Variants in DNAH7 observed in about 807,000 individuals in gnomAD.
DNAH7 encodes the protein axonemal beta dynein heavy chain 7.
A neutral mutation model predicts 444.6 loss-of-function variants in DNAH7; 397 were observed. That is an observed-to-expected ratio of 0.89 (90% CI 0.82 to 0.97). The LOEUF (loss-of-function observed/expected upper bound fraction) is 0.97, where lower values mean the gene tolerates loss of function less well. Among genes scored for constraint, DNAH7 ranks in the 50% least tolerant of loss-of-function variants. DNAH7 has a pLI of 0.00. For synonymous variants in DNAH7, 1,636 were observed against 1,624.4 expected (o/e 1.01, Z -0.17); for missense variants, 4,902 against 4,800.8 (o/e 1.02, Z -0.62).
intron 47 of DNAH7, among the ~76,000 whole-genome samples, chr2:195,838,648 G>A (rs973260384): frequency 6.6e-6 from 1 of 151,952 alleles, no homozygotes; most frequent in Non-Finnish European, 1.5e-5. Context: ...GACACTATCA[G>A]ATTGGATAAA....
Position 195,884,813 on chromosome 2 carries a change from C to T in DNAH7, c.5539-4G>A. 6.2e-7 allele frequency: 1 copy of T among 1,606,910 alleles called. No individual in the cohort carries two copies. On this transcript the variant is annotated splice_region_variant and splice_polypyrimidine_tract_variant and intron_variant, in intron 34 of 64. Coordinates refer to ENST00000312428, the MANE Select transcript of DNAH7 (RefSeq NM_018897.3). ...TCAATGAAAACAGAAAAATGCCCTG[C>T]ATTGGACAGATGAGAAGATTAAGAA...
In DNAH7 at chr2:195,857,579, G is replaced by A; in HGVS notation, c.8212C>T (p.Pro2738Ser). 4 of 1,613,828 alleles carry A rather than the reference G, an allele frequency of 2.5e-6. No homozygotes were observed. Among genetic ancestry groups the A allele is most frequent in the East Asian group, 2.2e-5 (1 of 44,874 alleles). The part of the protein sequence containing the change: ...SGKKIEDFWG[P>S]AKRLLGDMRF... The stretch of plus-strand genomic sequence containing the variant: ...ATGTCACCAAGAAGTCTCTTAGCTG[G>A]GCCCCAGAAATCCTCAATTTTTTTC... The change falls in exon 44 of 65, where the codon CCA becomes TCA. Residue 2738 changes from proline (P) to serine (S), a missense_variant. Transcript: ENST00000312428.
chr2:195,931,191 T>A (rs1688669493), intron 21 of DNAH7, among the ~76,000 whole-genome samples: 1 of 152,186 alleles, frequency 6.6e-6, no homozygotes, highest in African/African-American at 2.4e-5. Flanking sequence ...AGTTGATATT[T>A]AAAAAAATAA....
intron 40 of DNAH7, among the ~76,000 whole-genome samples, chr2:195,868,515 C>A (rs1170206118): frequency 2.6e-5 from 4 of 150,974 alleles, no homozygotes; most frequent in Non-Finnish European, 5.9e-5. Flanking sequence ...GGAGCGATGT[C>A]TTTGAATCCT....
intron 1 of DNAH7, among the ~76,000 whole-genome samples, chr2:196,062,901 G>C (rs935405818): frequency 6.6e-6 from 1 of 151,996 alleles, no homozygotes; most frequent in African/African-American, 2.4e-5. Context: ...TTGTTTGTTT[G>C]ACACAGAGTC....
intron 64 of DNAH7, among the ~76,000 whole-genome samples, chr2:195,738,706 A>G (rs1410133468): frequency 6.6e-6 from 1 of 151,390 alleles, no homozygotes; most frequent in African/African-American, 2.5e-5. Context: ...AATCTTAAAA[A>G]TAAGATTTTG....
intron 9 of DNAH7, among the ~76,000 whole-genome samples, chr2:196,016,481 G>C (rs1343181807): frequency 6.6e-6 from 1 of 152,144 alleles, no homozygotes; most frequent in Non-Finnish European, 1.5e-5. Context: ...AGCAGACAAA[G>C]AAATCCATAC....
intron 5 of DNAH7, among the ~76,000 whole-genome samples, chr2:196,044,335 T>G (rs1202691034): frequency 6.6e-6 from 1 of 151,542 alleles, no homozygotes; most frequent in Non-Finnish European, 1.5e-5. Flanking sequence ...GTGAAGTAAC[T>G]CAGGAATGGA....
Position 195,906,898 on chromosome 2 carries a change from G to T in DNAH7, c.4207+9C>A, listed in dbSNP as rs753698562. 3.7e-6 allele frequency: 6 copies of T among 1,611,314 alleles called. No homozygotes were observed. Among genetic ancestry groups the T allele is most frequent in the Admixed American group, 3.4e-5 (2 of 59,678 alleles). ...TTTCACATAATGCAAAGACAAACTAGTCCATTACCTCTTTGGATAGTAAGG... is the reference window on the plus strand; with the variant it reads ...TTTCACATAATGCAAAGACAAACTATTCCATTACCTCTTTGGATAGTAAGG... On this transcript the variant is annotated intron_variant, in intron 26 of 64. Coordinates refer to ENST00000312428, the MANE Select transcript of DNAH7 (RefSeq NM_018897.3).
rs117158250 is a variant in DNAH7 at position 195,959,418 on chromosome 2, T to C, written c.2891+842A>G. 4.9e-4 allele frequency among the ~76,000 whole-genome samples: 75 copies of C among 152,328 alleles called. 1 individual carries two copies. In the East Asian group the frequency reaches 0.014, roughly 29 times the overall value. On this transcript the variant is annotated intron_variant, in intron 18 of 64. Transcript: ENST00000312428. ...ACGCATAGTCCCTTAAAATGGAATC[T>C]AGATGTACCACTTTCAGAGTAGTTT...
chr2:195,738,919 G>T (rs1454938757), intron 64 of DNAH7, among the ~76,000 whole-genome samples: 2 of 152,202 alleles, frequency 1.3e-5, no homozygotes, highest in African/African-American at 4.8e-5. Flanking sequence ...AAGGATGCCA[G>T]TTTCTCTATT....
chr2:195,922,292 T>A, intron 23 of DNAH7, 95 bp from the exon 24 acceptor site: 1 of 675,172 alleles, frequency 1.5e-6, no homozygotes, highest in Non-Finnish European at 2.5e-6. Flanking sequence ...AATATAGACA[T>A]CTTTAAAGTT....
chr2:195,970,158 T>G, intron 16 of DNAH7, 64 bp from the exon 17 acceptor site: 1 of 1,481,410 alleles, frequency 6.8e-7, no homozygotes, highest in Non-Finnish European at 9.1e-7. Flanking sequence ...CAAAAAATTT[T>G]AACATTGTAG....
Position 196,065,675 on chromosome 2 carries a change from T to C in DNAH7, c.15+3022A>G, listed in dbSNP as rs112196579. 3.3e-3 allele frequency among the ~76,000 whole-genome samples: 508 copies of C among 152,336 alleles called. 5 individuals carry two copies. Among genetic ancestry groups the C allele is most frequent in the African/African-American group, 0.012 (496 of 41,582 alleles). On this transcript the variant is annotated intron_variant, in intron 1 of 64. Transcript: ENST00000312428. Reference sequence around the variant, plus strand: ...TCTTCCCTGTTCCCTGTTGTTCTGATAGTGGCTGAATTCTTCCAGACCTCA... The same window carrying C: ...TCTTCCCTGTTCCCTGTTGTTCTGACAGTGGCTGAATTCTTCCAGACCTCA...
At position 195,738,222 on chromosome 2, in the gene DNAH7, G is replaced by A. The variant is rs1171805565; in HGVS notation, c.11869-95C>T. 4 of 1,113,264 alleles carry A rather than the reference G, an allele frequency of 3.6e-6. No homozygotes were observed. The East Asian group carries it at 1.0e-4, about 28-fold the overall frequency. 69.0% of individuals were successfully genotyped at this position (1,113,264 alleles called of 1,614,324 possible). The stretch of plus-strand genomic sequence containing the variant: ...TATAGTATTCTCAGAGTAAGGTTAT[G>A]CATGCAGATTTCTGTGGCCCAAATT... On this transcript the variant is annotated intron_variant, in intron 64 of 64. Transcript: ENST00000312428.
At chr2:195,966,639 T>C (rs1220730782) in intron 17 of DNAH7, among the ~76,000 whole-genome samples, 2 of 152,190 alleles carry the variant, frequency 1.3e-5, no homozygotes, top group East Asian at 1.9e-4. Context: ...CCAGTGTTTG[T>C]TGCATATAAA....
intron 40 of DNAH7, among the ~76,000 whole-genome samples, chr2:195,866,713 G>T (rs1305862768): frequency 6.6e-6 from 1 of 152,184 alleles, no homozygotes; most frequent in Non-Finnish European, 1.5e-5. Context: ...AAAACACAGA[G>T]GATGATTCCT....
chr2:195,865,867 G>T (rs574244683), intron 40 of DNAH7, among the ~76,000 whole-genome samples: 2 of 152,180 alleles, frequency 1.3e-5, no homozygotes, highest in African/African-American at 4.8e-5. Flanking sequence ...GCATTAAAGC[G>T]CTCTCTCCCT....
chr2:195,745,228 T>C (rs1188248001), intron 63 of DNAH7, among the ~76,000 whole-genome samples: 9 of 152,138 alleles, frequency 5.9e-5, no homozygotes, highest in East Asian at 1.9e-4. Context: ...CAGGAGCCGA[T>C]GCGATCAACT....
Sources: gnomAD v4.1 joint callset for allele counts (sites outside exome capture counted in the v4.1 genomes callset) on GRCh38, gnomAD v4.1.1 for gene constraint, MANE v1.5 for transcripts, NCBI Gene and HGNC (gene_info 2026-07-23, HGNC 2026-07-21) for gene names.